Variants in PECAM1 observed in about 807,000 individuals in gnomAD.
PECAM1 encodes the protein platelet endothelial cell adhesion molecule.
Under a neutral mutation model 13.8 loss-of-function variants are expected in PECAM1, and 8 were observed. The observed-to-expected ratio is 0.58, with a 90% CI of 0.34 to 1.05. The LOEUF is 1.05. Among genes scored for constraint, PECAM1 ranks in the 50% least tolerant of loss-of-function variants. The pLI, the probability that PECAM1 is intolerant of heterozygous loss-of-function variation, is 0.03. For missense variants in PECAM1, 304 were observed against 141.2 expected (o/e 2.15, Z -5.84); for synonymous variants, 136 against 52.6 (o/e 2.58, Z -6.86).
At chr17:64,345,048 T>C (rs2035529061) in intron 13 of PECAM1, among the ~76,000 whole-genome samples, 1 of 152,174 alleles carries the variant, frequency 6.6e-6, no homozygotes, top group African/African-American at 2.4e-5. Flanking sequence ...AATAAGTTCT[T>C]GCTTTGTTGC....
At chr17:64,378,237 T>TTC in intron 2 of PECAM1, 120 bp from the exon 3 acceptor site, 1 of 398,912 alleles carries the variant, frequency 2.5e-6, no homozygotes, top group South Asian at 1.4e-4. Flanking sequence ...AGTCCAGGGG[T>TTC]TCTACGTGCC....
rs782429960 is a variant in PECAM1, at chr17:64,322,345, C to T, written c.*1471G>A. On this transcript the variant is annotated 3_prime_UTR_variant, in exon 16 of 16. Coordinates refer to ENST00000563924, the MANE Select transcript of PECAM1 (RefSeq NM_000442.5). ...AGGTTGCAGTGAGCAGAGGTTGCGC[C>T]GCTGCAGTCCAGCCCGGGCAACAAG... 6 of 882,858 alleles carry T rather than the reference C, an allele frequency of 6.8e-6. No individual in the cohort carries two copies. The highest frequency in any genetic ancestry group is 8.2e-6 in the Non-Finnish European group (6 of 735,866). The allele number at this position is 882,858 out of a possible 1,614,324, so 54.7% of individuals were successfully genotyped here.
intron 5 of PECAM1, 115 bp downstream of exon 5, chr17:64,369,634 CA>C: frequency 2.5e-6 from 1 of 397,446 alleles, no homozygotes; most frequent in Non-Finnish European, 4.4e-6. Flanking sequence ...TGAGCACATT[CA>C]TTCAGATAAG....
intron 6 of PECAM1, among the ~76,000 whole-genome samples, chr17:64,360,814 A>ATGTGTGTGTG (rs144008571): frequency 0.011 from 1,583 of 141,406 alleles, 15 homozygotes; most frequent in Non-Finnish European, 0.016. Context: ...AGCCAACAAA[A>ATGTGTGTGTG]TGTGTGTGTG....
At chr17:64,333,741 T>C (rs1043030907) in intron 14 of PECAM1, among the ~76,000 whole-genome samples, 1 of 151,710 alleles carries the variant, frequency 6.6e-6, no homozygotes, top group Admixed American at 6.6e-5. Context: ...GCGGATTGCT[T>C]GAGCTCTGGA....
intron 13 of PECAM1, among the ~76,000 whole-genome samples, chr17:64,342,596 G>T (rs930262870): frequency 5.3e-5 from 8 of 151,912 alleles, no homozygotes; most frequent in Admixed American, 1.3e-4. Flanking sequence ...GGATTGGTCT[G>T]GGGGGGTCCC....
At chr17:64,359,520 G>A (rs2035924196) in intron 7 of PECAM1, among the ~76,000 whole-genome samples, 2 of 152,140 alleles carry the variant, frequency 1.3e-5, no homozygotes, top group Non-Finnish European at 2.9e-5. Flanking sequence ...TCAGAACAGT[G>A]TATCTGAAAA....
intron 12 of PECAM1, 85 bp from the exon 13 acceptor site, chr17:64,348,407 CTTTTTTTT>C (rs869282884): frequency 6.8e-6 from 2 of 296,238 alleles, no homozygotes; most frequent in African/African-American, 5.3e-5. Flanking sequence ...ACTTTCTTTT[CTTTTTTTT>C]TTTTTTTTTT....
At chr17:64,344,547 G>A (rs1322850095) in intron 13 of PECAM1, among the ~76,000 whole-genome samples, 2 of 151,938 alleles carry the variant, frequency 1.3e-5, no homozygotes, top group Non-Finnish European at 2.9e-5. Context: ...CCACTTGGTC[G>A]GCTGCCACTA....
At chr17:64,380,246 T>C (rs2036452712) in intron 2 of PECAM1, among the ~76,000 whole-genome samples, 1 of 151,942 alleles carries the variant, frequency 6.6e-6, no homozygotes, top group African/African-American at 2.4e-5. Context: ...GAGAATCGCT[T>C]GAGCCCGGGA....
chr17:64,373,096 G>C (rs1426130700), intron 4 of PECAM1, among the ~76,000 whole-genome samples: 1 of 149,134 alleles, frequency 6.7e-6, no homozygotes, highest in African/African-American at 2.5e-5. Flanking sequence ...TGGGCAACAA[G>C]AGTGAAACTC....
At chr17:64,371,787 G>A (rs879225014) in intron 4 of PECAM1, among the ~76,000 whole-genome samples, 3,735 of 152,166 alleles carry the variant, frequency 0.025, 62 homozygotes, top group Non-Finnish European at 0.037. Flanking sequence ...CCGAGATTGC[G>A]CCACTGCACT....
chr17:64,386,454 G>A (rs1392926723), intron 2 of PECAM1, among the ~76,000 whole-genome samples: 2 of 151,290 alleles, frequency 1.3e-5, no homozygotes, highest in Non-Finnish European at 2.9e-5. Context: ...ATTAGACAAT[G>A]GTGATGGTTG....
intron 14 of PECAM1, among the ~76,000 whole-genome samples, chr17:64,334,408 G>A (rs1364791980): frequency 1.3e-5 from 2 of 152,140 alleles, no homozygotes; most frequent in African/African-American, 4.8e-5. Context: ...CTGAAATGCT[G>A]CATGCTAGAA....
intron 13 of PECAM1, among the ~76,000 whole-genome samples, chr17:64,344,335 A>G (rs2035509865): frequency 6.6e-6 from 1 of 151,792 alleles, no homozygotes; most frequent in Non-Finnish European, 1.5e-5. Context: ...CTAATGAGTA[A>G]ACCAGGCTGG....
At chr17:64,360,649 T>C (rs1357496394) in intron 6 of PECAM1, among the ~76,000 whole-genome samples, 1 of 140,568 alleles carries the variant, frequency 7.1e-6, no homozygotes, top group African/African-American at 2.6e-5. Flanking sequence ...AGAAGTACAA[T>C]AAGCAAAACA....
At chr17:64,340,500 A>G (rs1274955014) in intron 14 of PECAM1, among the ~76,000 whole-genome samples, 2 of 152,136 alleles carry the variant, frequency 1.3e-5, no homozygotes, top group African/African-American at 4.8e-5. Context: ...TCACACAGTC[A>G]CTATTTCCCC....
intron 2 of PECAM1, among the ~76,000 whole-genome samples, chr17:64,384,478 A>G (rs2036550890): frequency 6.6e-6 from 1 of 152,172 alleles, no homozygotes; most frequent in Non-Finnish European, 1.5e-5. Flanking sequence ...ATACTCCATC[A>G]GGTAATAAAA....
intron 5 of PECAM1, among the ~76,000 whole-genome samples, chr17:64,368,101 T>C (rs1250815690): frequency 5.3e-5 from 8 of 152,196 alleles, no homozygotes; most frequent in Non-Finnish European, 1.0e-4. Context: ...CCCTTCACCG[T>C]GCAACCAAGA....
Sources: gnomAD v4.1 joint callset for allele counts (sites outside exome capture counted in the v4.1 genomes callset) on GRCh38, gnomAD v4.1.1 for gene constraint, MANE v1.5 for transcripts, NCBI Gene and HGNC (gene_info 2026-07-23, HGNC 2026-07-21) for gene names.